The following BAD variants were observed in gnomAD, a reference collection of about 807,000 sequenced individuals.
The protein encoded by BAD is bcl2-associated agonist of cell death.
In BAD, 18 loss-of-function variants were observed where a neutral mutation model predicts 17.8. The observed-to-expected ratio is 1.01, with a 90% CI of 0.70 to 1.50. The LOEUF (loss-of-function observed/expected upper bound fraction) is 1.50, where lower values mean the gene tolerates loss of function less well. Among genes scored for constraint, BAD ranks in the 40% most tolerant of loss-of-function variants. BAD has a pLI of 0.00. For synonymous variants in BAD, 112 were observed against 91.5 expected (o/e 1.22, Z -1.28); for missense variants, 294 against 239.3 (o/e 1.23, Z -1.51).
intron 2 of BAD, among the ~76,000 whole-genome samples, chr11:64,278,143 A>T (rs1481856816): frequency 3.3e-5 from 5 of 152,212 alleles, no homozygotes; most frequent in African/African-American, 1.2e-4. Context: ...AAAATAAAAA[A>T]ATTAGCCAGG....
intron 3 of BAD, chr11:64,270,720 A>G: frequency 4.1e-6 from 2 of 489,822 alleles, no homozygotes; most frequent in Non-Finnish European, 8.0e-6. Context: ...CTTTGAGGCC[A>G]GGAGTTCCAG....
chr11:64,274,992 CAA>C (rs34418386), intron 2 of BAD, among the ~76,000 whole-genome samples: 59 of 54,392 alleles, frequency 1.1e-3, no homozygotes, highest in Admixed American at 2.5e-3. Context: ...GACTTTGTCT[CAA>C]AAAAAAAAAA....
chr11:64,271,381 T>A (rs865887806), intron 3 of BAD, among the ~76,000 whole-genome samples: 17 of 60,242 alleles, frequency 2.8e-4, no homozygotes, highest in South Asian at 6.3e-4. Context: ...GCCCTGTGAC[T>A]CACACACACA....
chr11:64,280,445 G>C (rs1157137726), intron 2 of BAD, among the ~76,000 whole-genome samples: 1 of 146,500 alleles, frequency 6.8e-6, no homozygotes, highest in Non-Finnish European at 1.5e-5. Flanking sequence ...TCTGCCTCCC[G>C]GGTTCATGCC....
chr11:64,270,873 G>A (rs1330885291), intron 3 of BAD, among the ~76,000 whole-genome samples: 1 of 146,358 alleles, frequency 6.8e-6, no homozygotes, highest in Admixed American at 6.8e-5. Flanking sequence ...GTGGGATCTA[G>A]ACTACAGATC....
Sources: allele counts gnomAD v4.1 joint callset (sites outside exome capture counted in the v4.1 genomes callset), GRCh38; gene constraint gnomAD v4.1.1; transcripts MANE v1.5; gene names NCBI Gene and HGNC (gene_info 2026-07-23, HGNC 2026-07-21).